Variants in ZNF44 observed in about 807,000 individuals in gnomAD.
The protein encoded by ZNF44 is gonadotropin inducible transcription repressor-2.
A neutral mutation model predicts 11.7 loss-of-function variants in ZNF44; 9 were observed. That is an observed-to-expected ratio of 0.77 (90% CI 0.46 to 1.35). The LOEUF (loss-of-function observed/expected upper bound fraction) is 1.35, where lower values mean the gene tolerates loss of function less well. ZNF44 is among the 40% of genes most tolerant of loss of function. ZNF44 has a pLI of 0.00. For missense variants in ZNF44, 696 were observed against 743.1 expected (o/e 0.94, Z 0.74); for synonymous variants, 224 against 242.7 (o/e 0.92, Z 0.72).
intron 2 of ZNF44, among the ~76,000 whole-genome samples, chr19:12,275,517 G>A (rs1415490075): frequency 1.3e-5 from 2 of 151,980 alleles, no homozygotes; most frequent in Non-Finnish European, 2.9e-5. Flanking sequence ...GCATGGTGGC[G>A]GGCGCCTGTA....
chr19:12,284,895 G>A (rs766586886), intron 1 of ZNF44: 33 of 729,248 alleles, frequency 4.5e-5, no homozygotes, highest in Admixed American at 8.1e-5. Flanking sequence ...CCTCATCCCC[G>A]CACCCAGGGA....
intron 5 of ZNF44, chr19:12,260,321 G>C: frequency 2.2e-6 from 2 of 896,276 alleles, no homozygotes; most frequent in South Asian, 1.4e-5. Context: ...TCACGAAGCA[G>C]AGATCCGGCC....
At chr19:12,289,331 G>A (rs1485221118) in intron 1 of ZNF44, among the ~76,000 whole-genome samples, 11 of 152,056 alleles carry the variant, frequency 7.2e-5, no homozygotes, top group Non-Finnish European at 8.8e-5. Context: ...CAAAAAAACA[G>A]AAAAGAAAGG....
intron 5 of ZNF44, among the ~76,000 whole-genome samples, chr19:12,255,089 AAAACACACAC>A (rs1157360147): frequency 8.2e-6 from 1 of 122,458 alleles, no homozygotes; most frequent in East Asian, 2.1e-4. Flanking sequence ...ACTCCGTCTC[AAAACACACAC>A]ACACACACAC....
chr19:12,277,722 T>C (rs765512830), intron 1 of ZNF44, among the ~76,000 whole-genome samples: 1 of 152,122 alleles, frequency 6.6e-6, no homozygotes, highest in Non-Finnish European at 1.5e-5. Flanking sequence ...GACAGCAGAG[T>C]TCCCAGTGTA....
intron 3 of ZNF44, among the ~76,000 whole-genome samples, chr19:12,228,372 G>A (rs1182677520): frequency 6.6e-6 from 1 of 152,162 alleles, no homozygotes; most frequent in Non-Finnish European, 1.5e-5. Context: ...TGTACTAGGT[G>A]TAGAGCCTAG....
intron 1 of ZNF44, among the ~76,000 whole-genome samples, chr19:12,290,018 A>C (rs2145769370): frequency 6.6e-6 from 1 of 152,284 alleles, no homozygotes; most frequent in South Asian, 2.1e-4. Flanking sequence ...ACACAACCTC[A>C]GACATGGCAT....
At position 12,231,012 on chromosome 19, in the gene ZNF44, T is replaced by C. The variant is rs191883577; in HGVS notation, n.381-497A>G. Among the ~76,000 whole-genome samples, 6 of 152,316 alleles carry C rather than the reference T, an allele frequency of 3.9e-5. No individual in the cohort carries two copies. The East Asian group carries it at 1.2e-3, about 29-fold the overall frequency. ...AGATGTTATTTGTGGTTTATGATCA[T>C]GCTGACTTAGCCATTAGGCTGATGC... On this transcript the variant is annotated intron_variant and non_coding_transcript_variant, in intron 2 of 3. Coordinates refer to the ZNF44 transcript ENST00000597563.
At chr19:12,293,783 G>A (rs962524483) in intron 1 of ZNF44, among the ~76,000 whole-genome samples, 7 of 152,066 alleles carry the variant, frequency 4.6e-5, no homozygotes, top group African/African-American at 1.4e-4. Context: ...AGCCTCGGAG[G>A]AGAAATGGTC....
chr19:12,261,451 T>C (rs770288477), intron 5 of ZNF44, among the ~76,000 whole-genome samples: 4 of 152,106 alleles, frequency 2.6e-5, no homozygotes, highest in South Asian at 2.1e-4. Context: ...CTGAGCAACA[T>C]AGCCAGACCC....
intron 2 of ZNF44, among the ~76,000 whole-genome samples, chr19:12,234,392 T>C (rs988733183): frequency 3.9e-5 from 6 of 152,374 alleles, no homozygotes; most frequent in Non-Finnish European, 5.9e-5. Context: ...TTTCCTCTTG[T>C]GAGGGCAAAT....
chr19:12,250,077 AG>A (rs1916930544), intron 6 of ZNF44: 1 of 1,256,604 alleles, frequency 8.0e-7, no homozygotes, highest in African/African-American at 1.6e-5. Context: ...ATAAATTATT[AG>A]AAATTACAGA....
intron 5 of ZNF44, chr19:12,260,451 G>A: frequency 7.2e-7 from 1 of 1,396,088 alleles, no homozygotes; most frequent in Non-Finnish European, 1.0e-6. Flanking sequence ...GCGCATGGCA[G>A]CCATCCGCAG....
chr19:12,245,851 T>C (rs1452301097), downstream of ZNF44, among the ~76,000 whole-genome samples: 1 of 152,076 alleles, frequency 6.6e-6, no homozygotes. Context: ...GAGGCAGAAC[T>C]TAAGAAGGCT....
rs1966985209 is a variant in ZNF44 at position 12,272,385 on chromosome 19, T to C, written c.*22A>G. 4.7e-6 allele frequency: 7 copies of C among 1,501,920 alleles called. No individual in the cohort carries two copies. In the South Asian group the frequency reaches 8.5e-5, roughly 18 times the overall value. The allele number at this position is 1,501,920 out of a possible 1,614,324, so 93.0% of individuals were successfully genotyped here. ...ATCTGAATGTGATAAAACCAATGAATGCTTTCCCACATTCCATACACTTAT... is the reference window on the plus strand; with the variant it reads ...ATCTGAATGTGATAAAACCAATGAACGCTTTCCCACATTCCATACACTTAT... On this transcript the variant is annotated 3_prime_UTR_variant, in exon 4 of 4. Coordinates refer to ENST00000355684, the MANE Select transcript of ZNF44 (RefSeq NM_016264.4).
chr19:12,236,049 C>G (rs1916375067), intron 1 of ZNF44, among the ~76,000 whole-genome samples: 1 of 152,114 alleles, frequency 6.6e-6, no homozygotes, highest in Non-Finnish European at 1.5e-5. Context: ...AGAGCTATCG[C>G]TCTGTGAAAA....
At chr19:12,293,270 G>A in intron 1 of ZNF44, 1 of 1,536,992 alleles carries the variant, frequency 6.5e-7, no homozygotes, top group Non-Finnish European at 8.7e-7. Context: ...ACCTCAGGCT[G>A]TCCTCTGGGA....
chr19:12,260,406 C>A, intron 5 of ZNF44: 2 of 1,440,058 alleles, frequency 1.4e-6, no homozygotes, highest in Non-Finnish European at 9.6e-7. Flanking sequence ...CAGCATCAGA[C>A]ACATGATCCT....
At chr19:12,229,956 T>C (rs1916089632) in intron 3 of ZNF44, among the ~76,000 whole-genome samples, 2 of 152,106 alleles carry the variant, frequency 1.3e-5, no homozygotes, top group South Asian at 4.1e-4. Context: ...AGGTGCAAAC[T>C]TGACACAGGG....
Sources: allele counts gnomAD v4.1 joint callset (sites outside exome capture counted in the v4.1 genomes callset), GRCh38; gene constraint gnomAD v4.1.1; transcripts MANE v1.5; gene names NCBI Gene and HGNC (gene_info 2026-07-23, HGNC 2026-07-21).